The following SCAPER variants were observed in gnomAD, a reference collection of about 807,000 sequenced individuals.
The protein encoded by SCAPER is S-phase cyclin A associated protein in the ER.
In SCAPER, 98 loss-of-function variants were observed where a neutral mutation model predicts 182.2. That is an observed-to-expected ratio of 0.54 (90% confidence interval 0.46 to 0.64). The LOEUF is 0.64. SCAPER is among the 30% of genes least tolerant of loss of function. The pLI, the probability that SCAPER is intolerant of heterozygous loss-of-function variation, is 0.00. For missense variants in SCAPER, 1,432 were observed against 1,690.0 expected, an observed-to-expected ratio of 0.85 and a Z score of 2.68; for synonymous variants, 605 against 564.6, an observed-to-expected ratio of 1.07 and a Z score of -1.01.
At chr15:76,804,671 C>T in intron 5 of SCAPER, 38 bp from the exon 6 acceptor site, 1 of 1,363,840 alleles carries the variant, frequency 7.3e-7, no homozygotes, top group Non-Finnish European at 1.0e-6. Flanking sequence ...AAATTCCAGT[C>T]TGAGACTAAA....
At chr15:76,853,126 A>G (rs1233684239) in intron 4 of SCAPER, among the ~76,000 whole-genome samples, 1 of 152,184 alleles carries the variant, frequency 6.6e-6, no homozygotes, top group Non-Finnish European at 1.5e-5. Context: ...AGACTGAACC[A>G]GGAACAAACT....
At chr15:76,667,973 A>C (rs538763174) in intron 20 of SCAPER, among the ~76,000 whole-genome samples, 1 of 150,704 alleles carries the variant, frequency 6.6e-6, no homozygotes, top group South Asian at 2.1e-4. Flanking sequence ...AAAAAAAAAC[A>C]AAAAAAAGTC....
At chr15:76,541,439 G>A (rs2044745711) in intron 23 of SCAPER, among the ~76,000 whole-genome samples, 2 of 152,030 alleles carry the variant, frequency 1.3e-5, no homozygotes, top group South Asian at 2.1e-4. Flanking sequence ...CCCCCCACAC[G>A]ATGGTATAGT....
chr15:76,537,293 C>T (rs1431484751), intron 23 of SCAPER, among the ~76,000 whole-genome samples: 1 of 151,918 alleles, frequency 6.6e-6, no homozygotes, highest in East Asian at 1.9e-4. Flanking sequence ...AAGCTGGAGG[C>T]ATCACGCTAC....
intron 7 of SCAPER, among the ~76,000 whole-genome samples, chr15:76,796,928 T>C (rs1330558625): frequency 1.3e-5 from 2 of 152,182 alleles, no homozygotes; most frequent in Non-Finnish European, 2.9e-5. Flanking sequence ...TAGATTCTAT[T>C]AAACAAACAC....
At chr15:76,872,325 A>C (rs1451132910) in intron 2 of SCAPER, among the ~76,000 whole-genome samples, 1 of 152,180 alleles carries the variant, frequency 6.6e-6, no homozygotes, top group African/African-American at 2.4e-5. Flanking sequence ...AAAAGATAGC[A>C]GCCAAATTCT....
intron 24 of SCAPER, among the ~76,000 whole-genome samples, chr15:76,490,259 G>A (rs67232575): frequency 2.0e-5 from 3 of 152,078 alleles, no homozygotes; most frequent in African/African-American, 7.2e-5. Context: ...GGATTCCAAC[G>A]AAGAGTGTAC....
chr15:76,389,201 T>C (rs2043489083), intron 27 of SCAPER, among the ~76,000 whole-genome samples: 1 of 151,790 alleles, frequency 6.6e-6, no homozygotes, highest in Non-Finnish European at 1.5e-5. Flanking sequence ...GACATTTGGT[T>C]AGAGAACAGT....
chr15:76,757,578 A>G (rs2062525940), intron 14 of SCAPER, among the ~76,000 whole-genome samples: 1 of 152,148 alleles, frequency 6.6e-6, no homozygotes, highest in Non-Finnish European at 1.5e-5. Context: ...ATGGGTGCAC[A>G]GGTATCTCTT....
intron 27 of SCAPER, among the ~76,000 whole-genome samples, chr15:76,391,387 A>T (rs969101719): frequency 2.0e-5 from 3 of 152,204 alleles, no homozygotes; most frequent in African/African-American, 7.2e-5. Flanking sequence ...TAGACTGTAA[A>T]TTTCATCAGA....
rs60494575 is a variant in SCAPER, at chr15:76,600,387, A to ATGTG, written c.2711+21373_2711+21376dup. ...TAGCATACTTGGAAAGTGTGTGTAT[A>ATGTG]TGTGTGTGTGTGTGTGTGTGTGTGT... On this transcript the variant is annotated intron_variant, in intron 22 of 31. Transcript: ENST00000563290. 1.6e-3 allele frequency among the ~76,000 whole-genome samples: 146 copies of ATGTG among 88,716 alleles called. 5 individuals carry two copies. The highest frequency in any genetic ancestry group is 4.4e-3 in the African/African-American group (143 of 32,296). The allele number at this position is 88,716 out of a possible 152,430, so 58.2% of individuals were successfully genotyped here.
chr15:76,799,886 T>C (rs2065625563), intron 7 of SCAPER, among the ~76,000 whole-genome samples: 1 of 152,108 alleles, frequency 6.6e-6, no homozygotes, highest in South Asian at 2.1e-4. Context: ...CAGGGAACTA[T>C]CTTGCCATGG....
chr15:76,694,244 T>G (rs2058531909), intron 20 of SCAPER, among the ~76,000 whole-genome samples: 1 of 152,178 alleles, frequency 6.6e-6, no homozygotes, highest in African/African-American at 2.4e-5. Context: ...TCTTCATTTA[T>G]TTGTATCTTC....
At chr15:76,351,065 CATGA>C in intron 31 of SCAPER, 168 bp downstream of exon 31, 1 of 528,766 alleles carries the variant, frequency 1.9e-6, no homozygotes, top group Non-Finnish European at 3.3e-6. Context: ...ATTCATGCTT[CATGA>C]CAAAATCGAT....
At chr15:76,765,207 C>T (rs2063037430) in intron 13 of SCAPER, 130 bp downstream of exon 13, 7 of 1,019,870 alleles carry the variant, frequency 6.9e-6, no homozygotes, top group Non-Finnish European at 1.0e-5. Flanking sequence ...AGCTTTGTTA[C>T]TTTTCAATGG....
At chr15:76,441,172 T>C (rs1012125886) in intron 25 of SCAPER, among the ~76,000 whole-genome samples, 3 of 151,804 alleles carry the variant, frequency 2.0e-5, no homozygotes, top group Admixed American at 1.3e-4. Context: ...CCACCCGCCT[T>C]GGCCTCCCAA....
chr15:76,896,659 C>T (rs1296283572), intron 1 of SCAPER, among the ~76,000 whole-genome samples: 4 of 152,118 alleles, frequency 2.6e-5, no homozygotes, highest in Non-Finnish European at 5.9e-5. Flanking sequence ...GCCTGTAACC[C>T]TATAATCCTA....
intron 29 of SCAPER, among the ~76,000 whole-genome samples, chr15:76,367,323 G>A (rs1223130177): frequency 6.6e-6 from 1 of 152,172 alleles, no homozygotes; most frequent in Non-Finnish European, 1.5e-5. Flanking sequence ...CAGGAGAGGT[G>A]TTCCCTGTGA....
At chr15:76,886,458 C>A (rs1011786466) in intron 1 of SCAPER, among the ~76,000 whole-genome samples, 1 of 152,042 alleles carries the variant, frequency 6.6e-6, no homozygotes, top group South Asian at 2.1e-4. Context: ...CCAGCCTGGG[C>A]AACAGAGTGA....
Sources: gnomAD v4.1 joint callset for allele counts (sites outside exome capture counted in the v4.1 genomes callset) on GRCh38, gnomAD v4.1.1 for gene constraint, MANE v1.5 for transcripts, NCBI Gene and HGNC (gene_info 2026-07-23, HGNC 2026-07-21) for gene names.